The following TEAD1 variants were observed in gnomAD, a reference collection of about 807,000 sequenced individuals.
TEAD1 encodes the protein TEA domain transcription factor 1.
A neutral mutation model predicts 54.9 loss-of-function variants in TEAD1; 9 were observed. The ratio of observed to expected loss-of-function variants is 0.16; its 90% confidence interval spans 0.10 to 0.29. The LOEUF is 0.29. Ranked by LOEUF, TEAD1 falls within the 10% of genes least tolerant of loss-of-function variation. The pLI is 1.00. For synonymous variants in TEAD1, 200 were observed against 187.8 expected (o/e 1.07, Z -0.53); for missense variants, 387 against 535.9 (o/e 0.72, Z 2.74).
intron 1 of TEAD1, 119 bp from the exon 2 acceptor site, chr11:12,675,290 C>T (rs1210922332): frequency 2.0e-5 from 3 of 152,160 alleles, no homozygotes; most frequent in Non-Finnish European, 2.9e-5. Flanking sequence ...CCGCCGCCCC[C>T]CGGCGCCGGG....
At chr11:12,849,741 A>T (rs1947229921) in intron 3 of TEAD1, among the ~76,000 whole-genome samples, 1 of 152,224 alleles carries the variant, frequency 6.6e-6, no homozygotes, top group Admixed American at 6.5e-5. Flanking sequence ...AGACTTAATT[A>T]TACAGTCTGT....
chr11:12,911,570 G>T (rs556996355), intron 10 of TEAD1, among the ~76,000 whole-genome samples: 9 of 152,078 alleles, frequency 5.9e-5, no homozygotes, highest in Non-Finnish European at 1.0e-4. Context: ...AATATTAAGT[G>T]ATGAAATGAT....
intron 3 of TEAD1, among the ~76,000 whole-genome samples, chr11:12,827,561 G>C (rs1164699448): frequency 6.6e-6 from 1 of 152,216 alleles, no homozygotes; most frequent in Admixed American, 6.5e-5. Flanking sequence ...GCTCTTGAGA[G>C]ACAGCAGACA....
At chr11:12,873,729 C>T (rs370221943) in intron 5 of TEAD1, among the ~76,000 whole-genome samples, 3 of 152,288 alleles carry the variant, frequency 2.0e-5, no homozygotes, top group African/African-American at 7.2e-5. Flanking sequence ...ATCAAGTGCC[C>T]TCCATCCTTT....
chr11:12,697,610 A>G (rs1943612616), intron 2 of TEAD1, among the ~76,000 whole-genome samples: 1 of 152,236 alleles, frequency 6.6e-6, no homozygotes, highest in African/African-American at 2.4e-5. Flanking sequence ...GCTCAATATA[A>G]CATGTTTTAC....
At chr11:12,841,243 A>G (rs576641727) in intron 3 of TEAD1, among the ~76,000 whole-genome samples, 1 of 152,304 alleles carries the variant, frequency 6.6e-6, no homozygotes, top group South Asian at 2.1e-4. Flanking sequence ...GATAGAATGT[A>G]AGCTCAGTGG....
At chr11:12,676,883 A>T (rs1943104597) in intron 2 of TEAD1, among the ~76,000 whole-genome samples, 1 of 152,230 alleles carries the variant, frequency 6.6e-6, no homozygotes, top group Non-Finnish European at 1.5e-5. Flanking sequence ...TATATCCATT[A>T]CGGGTTCTTG....
At chr11:12,851,486 C>T (rs1483998752) in intron 3 of TEAD1, among the ~76,000 whole-genome samples, 1 of 152,094 alleles carries the variant, frequency 6.6e-6, no homozygotes, top group African/African-American at 2.4e-5. Context: ...CAAATATATG[C>T]AGTAAAATTT....
At chr11:12,811,238 C>G (rs969743862) in intron 3 of TEAD1, among the ~76,000 whole-genome samples, 8 of 152,174 alleles carry the variant, frequency 5.3e-5, no homozygotes, top group Admixed American at 6.5e-5. Flanking sequence ...AATCACACAT[C>G]CTGTGGATGG....
chr11:12,875,438 C>T (rs1197929205), intron 5 of TEAD1, among the ~76,000 whole-genome samples: 1 of 152,276 alleles, frequency 6.6e-6, no homozygotes, highest in Admixed American at 6.5e-5. Context: ...CTTTCAAATT[C>T]CCGTTTCAGG....
intron 3 of TEAD1, among the ~76,000 whole-genome samples, chr11:12,835,270 A>G (rs561306094): frequency 2.0e-5 from 3 of 152,240 alleles, no homozygotes; most frequent in East Asian, 1.9e-4. Context: ...TTATTACCCA[A>G]TGTAGGTCTA....
intron 10 of TEAD1, among the ~76,000 whole-genome samples, chr11:12,905,977 C>T (rs530702510): frequency 1.3e-5 from 2 of 152,130 alleles, no homozygotes; most frequent in East Asian, 1.9e-4. Flanking sequence ...CACTTGGAGG[C>T]GAATGGGATG....
chr11:12,894,043 T>G (rs1233532047), intron 9 of TEAD1, among the ~76,000 whole-genome samples: 1 of 152,178 alleles, frequency 6.6e-6, no homozygotes, highest in Non-Finnish European at 1.5e-5. Flanking sequence ...GGCAGGACCG[T>G]GACAAGAAGT....
At chr11:12,826,754 C>T (rs1405291602) in intron 3 of TEAD1, among the ~76,000 whole-genome samples, 2 of 152,160 alleles carry the variant, frequency 1.3e-5, no homozygotes, top group African/African-American at 4.8e-5. Flanking sequence ...GTGCTTTGTA[C>T]CTAGCATATA....
intron 2 of TEAD1, among the ~76,000 whole-genome samples, chr11:12,763,921 A>T (rs1022543759): frequency 1.3e-5 from 2 of 152,180 alleles, no homozygotes; most frequent in African/African-American, 4.8e-5. Flanking sequence ...TTAATATGAT[A>T]CTTAGATAAT....
chr11:12,771,230 G>A (rs1011991843), intron 3 of TEAD1, among the ~76,000 whole-genome samples: 3 of 152,314 alleles, frequency 2.0e-5, no homozygotes, highest in Middle Eastern at 3.4e-3. Context: ...GTGTCGTTGC[G>A]GGTCCGAGTG....
intron 11 of TEAD1, among the ~76,000 whole-genome samples, chr11:12,929,304 A>T (rs576238718): frequency 6.6e-6 from 1 of 151,596 alleles, no homozygotes; most frequent in South Asian, 2.1e-4. Flanking sequence ...TTGTATGAAG[A>T]GTTTATTTTG....
chr11:12,926,475 G>A (rs950929819), intron 11 of TEAD1, among the ~76,000 whole-genome samples: 1 of 152,124 alleles, frequency 6.6e-6, no homozygotes, highest in Non-Finnish European at 1.5e-5. Context: ...AGGAGGAAGA[G>A]TCAAAAGTCA....
intron 3 of TEAD1, among the ~76,000 whole-genome samples, chr11:12,861,349 T>C (rs1947497684): frequency 6.6e-6 from 1 of 152,208 alleles, no homozygotes; most frequent in Non-Finnish European, 1.5e-5. Flanking sequence ...TTGGGCATTG[T>C]TCTTTCCCCA....
Sources: gnomAD v4.1 joint callset for allele counts (sites outside exome capture counted in the v4.1 genomes callset) on GRCh38, gnomAD v4.1.1 for gene constraint, MANE v1.5 for transcripts, NCBI Gene and HGNC (gene_info 2026-07-23, HGNC 2026-07-21) for gene names.